The following MTAP variants were observed in gnomAD, a reference collection of about 807,000 sequenced individuals.
The protein encoded by MTAP is methylthioadenosine phosphorylase.
MTAP carries 33 observed loss-of-function variants against 33.6 expected under a neutral mutation model. The observed-to-expected ratio is 0.98, with a 90% CI of 0.74 to 1.31. MTAP has a LOEUF of 1.31. Among genes scored for constraint, MTAP ranks in the 40% most tolerant of loss-of-function variants. The probability of loss-of-function intolerance (pLI) is 0.00; values close to 1 mark genes in which losing one functional copy is unlikely to be tolerated. For missense variants in MTAP, 367 were observed against 360.0 expected (o/e 1.02, Z -0.16); for synonymous variants, 148 against 125.7 (o/e 1.18, Z -1.19).
intron 5 of MTAP, among the ~76,000 whole-genome samples, chr9:21,848,579 A>G (rs1825436852): frequency 6.6e-6 from 1 of 152,172 alleles, no homozygotes; most frequent in Admixed American, 6.5e-5. Context: ...CCTTGGTTTA[A>G]TTTAGAGGAG....
In MTAP at chr9:21,927,158, C is replaced by T. The variant is rs144297919; in HGVS notation, c.148-3850C>T. 6.7e-3 allele frequency among the ~76,000 whole-genome samples: 1,015 copies of T among 152,348 alleles called. 5 individuals are homozygous for T. Among genetic ancestry groups the T allele is most frequent in the Middle Eastern group, 0.014 (4 of 294 alleles). On this transcript the variant is annotated intron_variant, in intron 1 of 1. Coordinates refer to the MTAP transcript ENST00000577563. ...TAACCAAACCGTTTCAGCTTTTCAT[C>T]ACTGAAAGTAAGCTGTAGCCCTGGA...
chr9:21,850,111 A>AATTGGAT (rs1825476446), intron 5 of MTAP, among the ~76,000 whole-genome samples: 1 of 152,218 alleles, frequency 6.6e-6, no homozygotes, highest in African/African-American at 2.4e-5. Context: ...TGATGACAGT[A>AATTGGAT]CGCTGATTGG....
intron 1 of MTAP, among the ~76,000 whole-genome samples, chr9:21,925,574 T>C (rs1306964439): frequency 1.3e-5 from 2 of 152,132 alleles, no homozygotes; most frequent in Non-Finnish European, 2.9e-5. Context: ...CTGCCATCAG[T>C]GTGGGAAGCC....
intron 1 of MTAP, chr9:21,892,483 G>T (rs748633573): frequency 6.6e-4 from 101 of 152,180 alleles, no homozygotes; most frequent in Middle Eastern, 3.4e-3. Flanking sequence ...TCTTATTTCA[G>T]ACAAAACAGA....
intron 4 of MTAP, 22 bp from the exon 5 acceptor site, chr9:21,837,886 C>G: frequency 6.3e-7 from 1 of 1,597,366 alleles, no homozygotes; most frequent in Non-Finnish European, 8.6e-7. Flanking sequence ...CAAACAAAAA[C>G]CTTTTTTGCT....
chr9:21,896,522 C>T (rs757771676), intron 1 of MTAP, among the ~76,000 whole-genome samples: 2 of 151,952 alleles, frequency 1.3e-5, no homozygotes, highest in Non-Finnish European at 2.9e-5. Flanking sequence ...AGAGAAGATT[C>T]AATTAGATGC....
At chr9:21,856,262 C>T (rs894074526) in intron 6 of MTAP, 11 of 760,926 alleles carry the variant, frequency 1.4e-5, no homozygotes, top group South Asian at 6.0e-5. Context: ...ATTGTACCAC[C>T]GTTTTAGAGA....
chr9:21,869,175 A>G (rs183357731), downstream of MTAP, among the ~76,000 whole-genome samples: 166 of 152,198 alleles, frequency 1.1e-3, no homozygotes, highest in African/African-American at 3.8e-3. Flanking sequence ...TAAGCTTTTC[A>G]TTGGCATAAA....
chr9:21,806,429 G>A (rs1286912672), intron 1 of MTAP, among the ~76,000 whole-genome samples: 1 of 152,114 alleles, frequency 6.6e-6, no homozygotes, highest in Admixed American at 6.5e-5. Context: ...TGGAGCCAAG[G>A]AGGGTGAGTG....
chr9:21,896,329 T>G (rs989693808), intron 1 of MTAP, among the ~76,000 whole-genome samples: 1 of 152,016 alleles, frequency 6.6e-6, no homozygotes, highest in Non-Finnish European at 1.5e-5. Context: ...TTAAAAGAAC[T>G]AGAGAAGCAA....
In MTAP at chr9:21,859,302, G is replaced by A. The variant is rs1825704440; in HGVS notation, c.691-1G>A. On this transcript the variant is annotated splice_acceptor_variant, in intron 6 of 7. Transcript: ENST00000644715. LOFTEE classifies it high-confidence loss of function. ...AACCTCCAGTGCTATTGTTTCTCTA[G>A]GTTTCGGTGGACCGGGTCTTAAAGA... 6.2e-7 allele frequency: 1 copy of A among 1,606,486 alleles called. No individual in the cohort carries two copies.
chr9:21,814,367 A>G (rs370881035), intron 1 of MTAP, among the ~76,000 whole-genome samples: 1 of 152,002 alleles, frequency 6.6e-6, no homozygotes, highest in African/African-American at 2.4e-5. Context: ...GGCCTACTTT[A>G]TTTTATTTAG....
At chr9:21,931,586 T>C (rs1230630004), downstream of MTAP, 1 of 169,250 alleles carries the variant, frequency 5.9e-6, no homozygotes, top group African/African-American at 2.4e-5. Context: ...TCGTGGAGTT[T>C]AACTGGTATA....
At chr9:21,805,056 G>T (rs899586068) in intron 1 of MTAP, among the ~76,000 whole-genome samples, 1 of 152,220 alleles carries the variant, frequency 6.6e-6, no homozygotes, top group Non-Finnish European at 1.5e-5. Context: ...GGTATAGGAG[G>T]CACATGTGTG....
intron 4 of MTAP, among the ~76,000 whole-genome samples, chr9:21,826,761 G>A (rs1205993551): frequency 6.6e-6 from 1 of 151,938 alleles, no homozygotes; most frequent in Non-Finnish European, 1.5e-5. Context: ...AAATCACAAG[G>A]GAAAGTGGTG....
chr9:21,848,284 G>A (rs1276132026), intron 5 of MTAP, among the ~76,000 whole-genome samples: 3 of 152,110 alleles, frequency 2.0e-5, no homozygotes, highest in African/African-American at 7.2e-5. Context: ...GACCCATGAG[G>A]TGGTGTGCTA....
intron 1 of MTAP, among the ~76,000 whole-genome samples, chr9:21,883,861 T>G (rs7874275): frequency 0.039 from 5,961 of 151,980 alleles, 328 homozygotes; most frequent in African/African-American, 0.11. Context: ...CCATACACAC[T>G]AGCCCGCACA....
intron 1 of MTAP, among the ~76,000 whole-genome samples, chr9:21,810,553 C>T (rs1824320653): frequency 6.6e-6 from 1 of 152,172 alleles, no homozygotes. Flanking sequence ...ATTACCATGG[C>T]TCATGACTCA....
At chr9:21,896,089 A>T (rs1587281791) in intron 1 of MTAP, among the ~76,000 whole-genome samples, 1 of 152,218 alleles carries the variant, frequency 6.6e-6, no homozygotes, top group Non-Finnish European at 1.5e-5. Flanking sequence ...ATCAAACTAG[A>T]ACTCAGGATT....
Sources: allele counts gnomAD v4.1 joint callset (sites outside exome capture counted in the v4.1 genomes callset), GRCh38; gene constraint gnomAD v4.1.1; transcripts MANE v1.5; gene names NCBI Gene and HGNC (gene_info 2026-07-23, HGNC 2026-07-21).